The following GRID2 variants were observed in gnomAD, a reference collection of about 807,000 sequenced individuals.
GRID2 encodes glutamate ionotropic receptor delta type subunit 2, also known as glutamate receptor ionotropic, delta-2.
In GRID2, 33 loss-of-function variants were observed where a neutral mutation model predicts 114.8. The ratio of observed to expected loss-of-function variants is 0.29; its 90% CI spans 0.22 to 0.38. GRID2 has a LOEUF of 0.38. GRID2 is among the 10% of genes least tolerant of loss of function. GRID2 has a pLI of 1.00. For missense variants in GRID2, 1,184 were observed against 1,257.7 expected (o/e 0.94, Z 0.89); for synonymous variants, 505 against 449.9 (o/e 1.12, Z -1.55).
intron 2 of GRID2, among the ~76,000 whole-genome samples, chr4:93,074,558 T>G (rs1729091655): frequency 6.6e-6 from 1 of 152,134 alleles, no homozygotes; most frequent in Non-Finnish European, 1.5e-5. Context: ...AAGAATGGTC[T>G]AAAATTGACA....
At chr4:93,256,206 C>T (rs1021452002) in intron 8 of GRID2, among the ~76,000 whole-genome samples, 1 of 151,748 alleles carries the variant, frequency 6.6e-6, no homozygotes, top group Non-Finnish European at 1.5e-5. Context: ...TTTTTCAAGG[C>T]TTTCCTTTTC....
chr4:93,086,357 C>T (rs745490280), intron 3 of GRID2, among the ~76,000 whole-genome samples: 5 of 152,104 alleles, frequency 3.3e-5, no homozygotes, highest in African/African-American at 4.8e-5. Flanking sequence ...GCAATGTGAA[C>T]GATATTGGAG....
intron 1 of GRID2, among the ~76,000 whole-genome samples, chr4:92,404,296 A>G (rs1380736771): frequency 1.3e-5 from 2 of 152,124 alleles, no homozygotes; most frequent in Admixed American, 6.6e-5. Flanking sequence ...GAGAAAAACA[A>G]TTCTGATTCT....
intron 14 of GRID2, among the ~76,000 whole-genome samples, chr4:93,681,493 C>G (rs1444181543): frequency 6.6e-6 from 1 of 151,582 alleles, no homozygotes; most frequent in Non-Finnish European, 1.5e-5. Flanking sequence ...GCCAAAAGAA[C>G]AAAGCTGGAG....
At chr4:93,574,057 AT>A (rs1342953544) in intron 13 of GRID2, among the ~76,000 whole-genome samples, 1 of 152,158 alleles carries the variant, frequency 6.6e-6, no homozygotes, top group Non-Finnish European at 1.5e-5. Context: ...AAATAGTAAT[AT>A]TTTACCTTTA....
At chr4:93,769,554 TTTTCG>T in intron 15 of GRID2, 104 bp downstream of exon 15, 1 of 1,043,722 alleles carries the variant, frequency 9.6e-7, no homozygotes, top group Non-Finnish European at 1.4e-6. Flanking sequence ...GGTCCTTGTT[TTTTCG>T]TTTCTTGAAG....
chr4:93,658,945 A>C (rs563154347), intron 14 of GRID2, among the ~76,000 whole-genome samples: 1 of 152,242 alleles, frequency 6.6e-6, no homozygotes, highest in Non-Finnish European at 1.5e-5. Context: ...TCAGAGGATA[A>C]GTTTTTCTCC....
Position 93,614,879 on chromosome 4 carries a change from G to A in GRID2, c.2194-11390G>A, listed in dbSNP as rs541155730. On this transcript the variant is annotated intron_variant, in intron 13 of 15. Transcript: ENST00000282020. ...TATTAAATAACAACAGCAATAACAT[G>A]TTCTTTTCTGTCCCCAAATATAGTA... Among the ~76,000 whole-genome samples, 175 of 152,242 alleles carry A rather than the reference G, an allele frequency of 1.1e-3. 1 individual carries two copies. Among genetic ancestry groups the A allele is most frequent in the African/African-American group, 4.1e-3 (169 of 41,550 alleles).
At chr4:93,020,887 C>T (rs1723213849) in intron 2 of GRID2, among the ~76,000 whole-genome samples, 1 of 151,890 alleles carries the variant, frequency 6.6e-6, no homozygotes, top group African/African-American at 2.4e-5. Flanking sequence ...ACAAAATTAG[C>T]CGGGCATGGT....
chr4:92,750,491 A>C (rs113643654), intron 2 of GRID2, among the ~76,000 whole-genome samples: 1 of 28,000 alleles, frequency 3.6e-5, no homozygotes. Flanking sequence ...CACATAGACC[A>C]AAGAAAGAAT....
intron 2 of GRID2, among the ~76,000 whole-genome samples, chr4:92,645,319 A>G (rs1489202887): frequency 1.3e-5 from 2 of 151,722 alleles, no homozygotes; most frequent in African/African-American, 4.8e-5. Flanking sequence ...GTCTGATTGC[A>G]TCACTGCAAT....
At chr4:92,618,096 T>C (rs1730088623) in intron 2 of GRID2, among the ~76,000 whole-genome samples, 2 of 151,732 alleles carry the variant, frequency 1.3e-5, no homozygotes, top group African/African-American at 4.8e-5. Flanking sequence ...CTCAAATCAA[T>C]GTCCTGAAAT....
chr4:92,932,167 T>A (rs537651309), intron 2 of GRID2, among the ~76,000 whole-genome samples: 41 of 151,348 alleles, frequency 2.7e-4, no homozygotes, highest in Non-Finnish European at 5.0e-4. Context: ...ATTTAATAAC[T>A]GTCAAAGAAT....
At chr4:92,857,447 G>A (rs143902651) in intron 2 of GRID2, among the ~76,000 whole-genome samples, 1 of 152,160 alleles carries the variant, frequency 6.6e-6, no homozygotes, top group Admixed American at 6.5e-5. Flanking sequence ...AAAGTGCCTT[G>A]TTGCTGATAT....
Position 93,688,187 on chromosome 4 carries a change from TAAAA to T in GRID2, c.2360+61754_2360+61757del, listed in dbSNP as rs1332346054. On this transcript the variant is annotated intron_variant, in intron 14 of 15. Transcript: ENST00000282020. ...ATTATGAAATTGCTGTCTCAGAAAA[TAAAA>T]ACAAGGCTACTAGAAAAACAGTATT... is the stretch of plus-strand genomic sequence containing the variant. 3.9e-5 allele frequency among the ~76,000 whole-genome samples: 6 copies of T among 151,964 alleles called. No homozygotes were observed. In the East Asian group the frequency reaches 9.7e-4, roughly 25 times the overall value.
At chr4:93,191,999 C>T (rs990222023) in intron 4 of GRID2, among the ~76,000 whole-genome samples, 4 of 152,132 alleles carry the variant, frequency 2.6e-5, no homozygotes, top group African/African-American at 9.7e-5. Flanking sequence ...TTTCTAACAA[C>T]AATATTCTGC....
intron 10 of GRID2, among the ~76,000 whole-genome samples, chr4:93,451,950 T>C (rs1002486555): frequency 6.6e-6 from 1 of 152,144 alleles, no homozygotes; most frequent in Non-Finnish European, 1.5e-5. Flanking sequence ...TTTTAAGTCA[T>C]TTAGTAGAAA....
At chr4:92,345,450 C>A (rs1467626607) in intron 1 of GRID2, among the ~76,000 whole-genome samples, 2 of 152,174 alleles carry the variant, frequency 1.3e-5, no homozygotes, top group Non-Finnish European at 2.9e-5. Context: ...ATAGTGACTT[C>A]TTTTCCTTTG....
At chr4:92,655,571 T>C (rs1732184213) in intron 2 of GRID2, among the ~76,000 whole-genome samples, 1 of 151,978 alleles carries the variant, frequency 6.6e-6, no homozygotes, top group Non-Finnish European at 1.5e-5. Context: ...TTTATAGTTT[T>C]CCTTGCAGAG....
Sources: allele counts gnomAD v4.1 joint callset (sites outside exome capture counted in the v4.1 genomes callset), GRCh38; gene constraint gnomAD v4.1.1; transcripts MANE v1.5; gene names NCBI Gene and HGNC (gene_info 2026-07-23, HGNC 2026-07-21).